The following HUNK variants were observed in gnomAD, a reference collection of about 807,000 sequenced individuals.
HUNK encodes hormonally up-regulated neu tumor-associated kinase.
In HUNK, 21 loss-of-function variants were observed where a neutral mutation model predicts 61.0. The ratio of observed to expected loss-of-function variants is 0.34; its 90% CI spans 0.24 to 0.50. The LOEUF (loss-of-function observed/expected upper bound fraction) is 0.50. Ranked by LOEUF, HUNK falls within the 20% of genes least tolerant of loss-of-function variation. HUNK has a pLI of 0.98. For synonymous variants in HUNK, 371 were observed against 386.1 expected (o/e 0.96, Z 0.46); for missense variants, 772 against 945.7 (o/e 0.82, Z 2.41).
rs2053252904 is a variant in HUNK, at chr21:32,002,447, G to C, written c.*3263G>C. On this transcript the variant is annotated 3_prime_UTR_variant, in exon 11 of 11. Coordinates refer to ENST00000270112, the MANE Select transcript of HUNK (RefSeq NM_014586.2). ...AAACAAGCGGGAATTGCATTGGGGG[G>C]CATTTTCTGGGCCAGTTTCCCTGCC... 1 of 152,200 alleles carries C rather than the reference G, an allele frequency of 6.6e-6. No homozygotes were observed. Among genetic ancestry groups the C allele is most frequent in the African/African-American group, 2.4e-5 (1 of 41,458 alleles). The allele number at this position is 152,200 out of a possible 1,614,324, so 9.4% of individuals were successfully genotyped here. A position where few individuals can be genotyped will look rare whatever the true frequency, so the allele number is the denominator to read the frequency against.
chr21:31,995,210 T>C (rs2123258225), intron 9 of HUNK, among the ~76,000 whole-genome samples: 1 of 133,416 alleles, frequency 7.5e-6, no homozygotes, highest in East Asian at 2.2e-4. Context: ...TACACACGAG[T>C]ACTAAGTACG....
chr21:31,882,195 A>G (rs1304711345), intron 1 of HUNK, among the ~76,000 whole-genome samples: 1 of 152,200 alleles, frequency 6.6e-6, no homozygotes, highest in Non-Finnish European at 1.5e-5. Flanking sequence ...GGGTAGAGCC[A>G]TCTGTTAACA....
intron 1 of HUNK, among the ~76,000 whole-genome samples, chr21:31,916,281 G>A (rs976792454): frequency 1.3e-5 from 2 of 151,642 alleles, no homozygotes; most frequent in Non-Finnish European, 2.9e-5. Context: ...CGATCTGCTG[G>A]CCTCGTTATC....
At chr21:31,968,205 G>C (rs747591415) in intron 5 of HUNK, 45 bp from the exon 6 acceptor site, 5 of 1,612,316 alleles carry the variant, frequency 3.1e-6, no homozygotes, top group Admixed American at 1.7e-5. Context: ...TGGTGTCTGC[G>C]TTCAGCCTGT....
intron 1 of HUNK, among the ~76,000 whole-genome samples, chr21:31,915,241 A>T (rs1377696065): frequency 2.6e-5 from 4 of 152,056 alleles, no homozygotes. Flanking sequence ...TATACCTAGA[A>T]CCCTGGCAGG....
At chr21:31,891,860 T>G (rs1279057185) in intron 1 of HUNK, among the ~76,000 whole-genome samples, 5 of 152,196 alleles carry the variant, frequency 3.3e-5, no homozygotes, top group African/African-American at 4.8e-5. Context: ...TGGTTTTGTC[T>G]TATAAATGAT....
chr21:31,953,794 A>G (rs184969838), intron 4 of HUNK, among the ~76,000 whole-genome samples: 2 of 150,256 alleles, frequency 1.3e-5, no homozygotes, highest in Non-Finnish European at 3.0e-5. Flanking sequence ...ATTTGTGACA[A>G]TTTTTTTTTT....
Position 31,977,127 on chromosome 21 carries a change from A to C in HUNK, c.1173+2410A>C, listed in dbSNP as rs1424562342. ...CCAAACTTCTTTCTCATACTTTAAA[A>C]TTTCTATTTATTATATATCTTATAG... is the stretch of plus-strand genomic sequence containing the variant. On this transcript the variant is annotated intron_variant, in intron 7 of 10. Coordinates refer to ENST00000270112, the MANE Select transcript of HUNK (RefSeq NM_014586.2). Among the ~76,000 whole-genome samples the C allele has an allele frequency of 2.0e-5, 3 of 152,090 alleles. No homozygotes were observed. The South Asian group carries it at 6.2e-4, about 32-fold the overall frequency.
At chr21:31,982,137 T>C (rs769530980) in intron 7 of HUNK, among the ~76,000 whole-genome samples, 7 of 152,170 alleles carry the variant, frequency 4.6e-5, no homozygotes, top group Non-Finnish European at 8.8e-5. Flanking sequence ...AAGAGTGGGC[T>C]TCTTTGTCTT....
At chr21:31,949,606 C>T (rs1343738063) in intron 4 of HUNK, among the ~76,000 whole-genome samples, 1 of 152,080 alleles carries the variant, frequency 6.6e-6, no homozygotes, top group African/African-American at 2.4e-5. Flanking sequence ...CACACAAAAG[C>T]ACAAAAGGCT....
intron 2 of HUNK, among the ~76,000 whole-genome samples, chr21:31,934,313 G>T (rs541741326): frequency 2.2e-4 from 33 of 151,534 alleles, no homozygotes; most frequent in African/African-American, 8.0e-4. Flanking sequence ...TGCGGTGGCG[G>T]GCGCCTGTAG....
chr21:31,879,264 A>C (rs963254081), intron 1 of HUNK, among the ~76,000 whole-genome samples: 1 of 152,222 alleles, frequency 6.6e-6, no homozygotes, highest in African/African-American at 2.4e-5. Flanking sequence ...TGCTTAGAGA[A>C]CTGGAAATTC....
rs117394665 is a variant in HUNK at position 31,934,048 on chromosome 21, G to C, written c.555-6117G>C. ...AGCCAAATGTTTTGCTCTTGGGATG[G>C]AGCTAGAGTAAACATCAGGCTTTTC... On this transcript the variant is annotated intron_variant, in intron 2 of 10. Coordinates refer to ENST00000270112, the MANE Select transcript of HUNK (RefSeq NM_014586.2). 3.2e-3 allele frequency among the ~76,000 whole-genome samples: 494 copies of C among 152,264 alleles called. 7 individuals are homozygous for C. In the East Asian group the frequency reaches 0.034, roughly 10 times the overall value.
chr21:31,923,574 C>CGAGGGAGG (rs574044016), intron 1 of HUNK, among the ~76,000 whole-genome samples: 2 of 62,994 alleles, frequency 3.2e-5, no homozygotes, highest in Non-Finnish European at 5.8e-5. Context: ...AGGAAGGAAG[C>CGAGGGAGG]GAGGGAGGGA....
At chr21:31,914,927 G>A (rs2052571839) in intron 1 of HUNK, among the ~76,000 whole-genome samples, 1 of 152,100 alleles carries the variant, frequency 6.6e-6, no homozygotes, top group East Asian at 1.9e-4. Context: ...TGGCAATCTT[G>A]AACCATGACA....
At chr21:31,900,356 C>G (rs1296916377) in intron 1 of HUNK, among the ~76,000 whole-genome samples, 2 of 151,718 alleles carry the variant, frequency 1.3e-5, no homozygotes, top group Non-Finnish European at 2.9e-5. Context: ...CTCTCTTACT[C>G]CATGCAACAT....
At chr21:31,983,850 C>T (rs1284885100) in intron 8 of HUNK, among the ~76,000 whole-genome samples, 1 of 152,182 alleles carries the variant, frequency 6.6e-6, no homozygotes, top group Non-Finnish European at 1.5e-5. Flanking sequence ...TCTGGATGCC[C>T]AGGCCGCACC....
chr21:31,988,813 C>T (rs9754299), intron 8 of HUNK, among the ~76,000 whole-genome samples: 3,146 of 148,902 alleles, frequency 0.021, 110 homozygotes, highest in African/African-American at 0.075. Flanking sequence ...CCTCTCCCCT[C>T]GCTTCCTCCT....
In HUNK at chr21:31,914,559, C is replaced by T. The variant is rs531063103; in HGVS notation, c.262-9909C>T. Among the ~76,000 whole-genome samples, 127 of 152,190 alleles carry T rather than the reference C, an allele frequency of 8.3e-4. 2 individuals are homozygous for T. The highest frequency in any genetic ancestry group is 2.7e-3 in the African/African-American group (113 of 41,540). On this transcript the variant is annotated intron_variant, in intron 1 of 10. Transcript: ENST00000270112. ...TGGTCTATTAGCCTGCTCAGGCTGCCACAACAAAATACCATGGAGTGGGTG... is the reference window on the plus strand; with the variant it reads ...TGGTCTATTAGCCTGCTCAGGCTGCTACAACAAAATACCATGGAGTGGGTG...
Sources: gnomAD v4.1 joint callset for allele counts (sites outside exome capture counted in the v4.1 genomes callset) on GRCh38, gnomAD v4.1.1 for gene constraint, MANE v1.5 for transcripts, NCBI Gene and HGNC (gene_info 2026-07-23, HGNC 2026-07-21) for gene names.